KRTAP10-4: variants seen among roughly 807,000 people sequenced by gnomAD.
KRTAP10-4 encodes keratin-associated protein 10-4.
For synonymous variants in KRTAP10-4, 147 were observed against 213.7 expected, an observed-to-expected ratio of 0.69 and a Z score of 2.72; for missense variants, 374 against 507.6, an observed-to-expected ratio of 0.74 and a Z score of 2.53.
Position 44,575,171 on chromosome 21 carries a change from C to T in KRTAP10-4, c.*207C>T. 3 of 823,994 alleles carry T rather than the reference C, an allele frequency of 3.6e-6. No homozygotes were observed. The highest frequency in any genetic ancestry group is 5.7e-6 in the Non-Finnish European group (3 of 528,850). The allele number at this position is 823,994 out of a possible 1,614,324, so 51.0% of individuals were successfully genotyped here. A position where few individuals can be genotyped will look rare whatever the true frequency, so the allele number is the denominator to read the frequency against. ...AAGAACTGAAAGTCTATACTCAATGCTGCAGCCCTCTTGCGGGGGGAGGGG... is the reference window on the plus strand; with the variant it reads ...AAGAACTGAAAGTCTATACTCAATGTTGCAGCCCTCTTGCGGGGGGAGGGG... On this transcript the variant is annotated 3_prime_UTR_variant, in exon 1 of 1. Coordinates refer to ENST00000400374, the MANE Select transcript of KRTAP10-4 (RefSeq NM_198687.2).
In KRTAP10-4 at chr21:44,574,621, C is replaced by G; in HGVS notation, c.863C>G (p.Pro288Arg). Residue 288 changes from proline (P) to arginine (R), a missense_variant, in exon 1 of 1, where the codon CCC (proline) becomes CGC (arginine). Transcript: ENST00000400374. ...TGCTGCAAGCCTGTCTGCTCTGTGC[C>G]CATCTGCTCTGGGGCTTCCTCTCTG... ...PVCCKPVCSVPICSGASSLCC... is the reference protein window; with the variant it reads ...PVCCKPVCSVRICSGASSLCC... 1 of 1,293,720 alleles carries G rather than the reference C, an allele frequency of 7.7e-7. No individual in the cohort carries two copies. The highest frequency in any genetic ancestry group is 2.6e-5 in the Admixed American group (1 of 38,022). The allele number at this position is 1,293,720 out of a possible 1,614,324, so 80.1% of individuals were successfully genotyped here.
chr21:44,574,378 C>T lies in KRTAP10-4; in HGVS notation c.620C>T (p.Ser207Leu), dbSNP rs1555923341. The part of the protein sequence containing the change: ...QSGCISSCTP[S>L]CCQQSSCQPA... ...GGCTGCATCAGCTCCTGCACGCCCT[C>T]GTGCTGCCAGCAGTCTAGCTGCCAG... The change falls in exon 1 of 1, where the codon TCG becomes TTG. Residue 207 changes from serine (S) to leucine (L), a missense_variant. Physicochemically the swap from Ser to Leu is moderately radical, Grantham distance 145. Coordinates refer to ENST00000400374, the MANE Select transcript of KRTAP10-4 (RefSeq NM_198687.2). 1.7e-5 allele frequency: 27 copies of T among 1,612,610 alleles called. No homozygotes were observed. The East Asian group carries it at 2.5e-4, about 15-fold the overall frequency.
Position 44,574,218 on chromosome 21 carries a change from G to C in KRTAP10-4, c.460G>C (p.Ala154Pro). 1 of 1,604,246 alleles carries C rather than the reference G, an allele frequency of 6.2e-7. No individual in the cohort carries two copies. Among genetic ancestry groups the C allele is most frequent in the Non-Finnish European group, 8.5e-7 (1 of 1,174,678 alleles). Residue 154 changes from alanine (A) to proline (P), a missense_variant, in exon 1 of 1, where the codon GCC becomes CCC. By Grantham distance (27) the Ala-to-Pro change is conservative. Transcript: ENST00000400374. Reference protein sequence around the residue: ...ACCTSSPCQQACCVPICCKPV... With the variant: ...ACCTSSPCQQPCCVPICCKPV... ...CTGCACCTCCTCCCCCTGCCAGCAG[G>C]CCTGCTGTGTGCCCATCTGCTGCAA...
At position 44,574,339 on chromosome 21, in the gene KRTAP10-4, G is replaced by T. The variant is rs1489453952; in HGVS notation, c.581G>T (p.Ser194Ile). 6.2e-7 allele frequency: 1 copy of T among 1,608,084 alleles called. No homozygotes were observed. The highest frequency in any genetic ancestry group is 1.7e-5 in the Admixed American group (1 of 59,464). ...TGCTGCCAGGCGGTCTGTGAGCCCA[G>T]CCCCTGCCAATCAGGCTGCATCAGC... ...SPCCQAVCEPSPCQSGCISSC... is the reference protein window; with the variant it reads ...SPCCQAVCEPIPCQSGCISSC... The change falls in exon 1 of 1, where the codon AGC (serine) becomes ATC (isoleucine). Residue 194 changes from serine (S) to isoleucine (I), a missense_variant. Transcript: ENST00000400374.
In KRTAP10-4 at chr21:44,575,221, C is replaced by T; in HGVS notation, c.*257C>T. On this transcript the variant is annotated 3_prime_UTR_variant, in exon 1 of 1. Transcript: ENST00000400374. ...GGGCGCTTCTAGAAAGTTCCCATGGCAGTGGCCTCCCCTCCATATCTCCCA... is the reference window on the plus strand; with the variant it reads ...GGGCGCTTCTAGAAAGTTCCCATGGTAGTGGCCTCCCCTCCATATCTCCCA... 1.6e-6 allele frequency: 1 copy of T among 618,472 alleles called. No individual in the cohort carries two copies. Among genetic ancestry groups the T allele is most frequent in the South Asian group, 2.1e-5 (1 of 48,428 alleles). 38.3% of individuals were successfully genotyped at this position (618,472 alleles called of 1,614,324 possible). A position where few individuals can be genotyped will look rare whatever the true frequency, so the allele number is the denominator to read the frequency against.
In KRTAP10-4 at chr21:44,574,543, C is replaced by A; in HGVS notation, c.785C>A (p.Thr262Asn). The change falls in exon 1 of 1, where the codon ACC becomes AAC. Residue 262 changes from threonine (T) to asparagine (N), a missense_variant. Thr to Asn is a moderately conservative substitution (Grantham distance 65). Coordinates refer to ENST00000400374, the MANE Select transcript of KRTAP10-4 (RefSeq NM_198687.2). ...TCTAGCTGCCAGCCGGCTTGCTGCA[C>A]CTCCTCTCCCTGCCAGCAGGCTTGC... ...QQSSCQPACC[T>N]SSPCQQACCV... 1.2e-6 allele frequency: 2 copies of A among 1,609,356 alleles called. No individual in the cohort carries two copies. Among genetic ancestry groups the A allele is most frequent in the Non-Finnish European group, 1.7e-6 (2 of 1,179,306 alleles).
Position 44,573,833 on chromosome 21 carries a change from C to T in KRTAP10-4, c.75C>T (p.Asp25=). The part of the protein sequence containing the change: ...CLPGSCDSCS[D]SWQVDDCPES... ...CTGGTTCCTGTGACTCTTGCTCCGA[C>T]TCCTGGCAGGTGGACGACTGCCCAG... The change falls in exon 1 of 1, where the codon GAC becomes GAT. Residue 25 remains aspartate (D), a synonymous_variant. Transcript: ENST00000400374. 6.2e-7 allele frequency: 1 copy of T among 1,614,216 alleles called. No homozygotes were observed. The highest frequency in any genetic ancestry group is 8.5e-7 in the Non-Finnish European group (1 of 1,180,048).
rs201441480 is a variant in KRTAP10-4 at position 44,574,731 on chromosome 21, C to A, written c.973C>A (p.Pro325Thr). ...CTGCTGCGTGCCCGTCTGCTGCAAG[C>A]CTGTGAGCTGTGTGCCTGTTTGCTC... Reference protein sequence around the residue: ...QGCCVPVCCKPVSCVPVCSGA... With the variant: ...QGCCVPVCCKTVSCVPVCSGA... The change falls in exon 1 of 1, where the codon CCT becomes ACT. Residue 325 changes from proline to threonine, a missense_variant. Transcript: ENST00000400374. 18 of 1,608,354 alleles carry A rather than the reference C, an allele frequency of 1.1e-5. No homozygotes were observed. The East Asian group carries it at 2.3e-4, about 20-fold the overall frequency.
Position 44,574,325 on chromosome 21 carries a change from G to T in KRTAP10-4, c.567G>T (p.Ala189=). 1 of 1,608,788 alleles carries T rather than the reference G, an allele frequency of 6.2e-7. No homozygotes were observed. The highest frequency in any genetic ancestry group is 2.2e-5 in the East Asian group (1 of 44,502). ...GTGTGTCCAGCCCCTGCTGCCAGGC[G>T]GTCTGTGAGCCCAGCCCCTGCCAAT... ...VSCVSSPCCQ[A]VCEPSPCQSG... The change falls in exon 1 of 1, where the codon GCG becomes GCT. Residue 189 remains alanine (A), a synonymous_variant. Coordinates refer to ENST00000400374, the MANE Select transcript of KRTAP10-4 (RefSeq NM_198687.2).
In KRTAP10-4 at chr21:44,574,405, C is replaced by A. The variant is rs587631963; in HGVS notation, c.647C>A (p.Pro216Gln). 3.5e-5 allele frequency: 55 copies of A among 1,573,744 alleles called. No homozygotes were observed. The highest frequency in any genetic ancestry group is 4.6e-5 in the Non-Finnish European group (53 of 1,162,368). ...PSCCQQSSCQPACCTSSSCQQ... is the reference protein window; with the variant it reads ...PSCCQQSSCQQACCTSSSCQQ... The stretch of plus-strand genomic sequence containing the variant: ...TGCTGCCAGCAGTCTAGCTGCCAGC[C>A]GGCTTGCTGCACCTCCTCCTCCTGC... Residue 216 changes from proline (P) to glutamine (Q), a missense_variant, in exon 1 of 1, where the codon CCG becomes CAG. Transcript: ENST00000400374.
In KRTAP10-4 at chr21:44,575,228, C is replaced by T. The variant is rs968116269; in HGVS notation, c.*264C>T. ...TCTAGAAAGTTCCCATGGCAGTGGC[C>T]TCCCCTCCATATCTCCCACCTCTCA... On this transcript the variant is annotated 3_prime_UTR_variant, in exon 1 of 1. Coordinates refer to ENST00000400374, the MANE Select transcript of KRTAP10-4 (RefSeq NM_198687.2). The T allele has an allele frequency of 1.6e-6, 1 of 608,762 alleles. No individual in the cohort carries two copies. Among genetic ancestry groups the T allele is most frequent in the East Asian group, 2.9e-5 (1 of 34,696 alleles). The allele number at this position is 608,762 out of a possible 1,614,324, so 37.7% of individuals were successfully genotyped here. A position where few individuals can be genotyped will look rare whatever the true frequency, so the allele number is the denominator to read the frequency against.
rs1240876596 is a variant in KRTAP10-4 at position 44,575,192 on chromosome 21, A to AG, written c.*234dup. 12 of 729,128 alleles carry AG rather than the reference A, an allele frequency of 1.6e-5. No individual in the cohort carries two copies. The highest frequency in any genetic ancestry group is 5.5e-5 in the East Asian group (2 of 36,468). The allele number at this position is 729,128 out of a possible 1,614,324, so 45.2% of individuals were successfully genotyped here. ...AATGCTGCAGCCCTCTTGCGGGGGG[A>AG]GGGGGGCGCTTCTAGAAAGTTCCCA... On this transcript the variant is annotated 3_prime_UTR_variant, in exon 1 of 1. Coordinates refer to ENST00000400374, the MANE Select transcript of KRTAP10-4 (RefSeq NM_198687.2).
At position 44,574,544 on chromosome 21, in the gene KRTAP10-4, C is replaced by T; in HGVS notation, c.786C>T (p.Thr262=). The change falls in exon 1 of 1, where the codon ACC becomes ACT. Residue 262 remains threonine (T), a synonymous_variant. Transcript: ENST00000400374. ...CTAGCTGCCAGCCGGCTTGCTGCAC[C>T]TCCTCTCCCTGCCAGCAGGCTTGCT... The part of the protein sequence containing the change: ...QQSSCQPACC[T]SSPCQQACCV... 2 of 1,609,386 alleles carry T rather than the reference C, an allele frequency of 1.2e-6. No individual in the cohort carries two copies. The highest frequency in any genetic ancestry group is 1.7e-6 in the Non-Finnish European group (2 of 1,179,298).
At position 44,574,491 on chromosome 21, in the gene KRTAP10-4, G is replaced by A. The variant is rs1555923426; in HGVS notation, c.733G>A (p.Glu245Lys). ...KTVCCKPVCSEDSSSCCQQSS... is the reference protein window; with the variant it reads ...KTVCCKPVCSKDSSSCCQQSS... The stretch of plus-strand genomic sequence containing the variant: ...TGTCTGCTGCAAGCCTGTGTGCTCT[G>A]AGGATTCCTCTTCATGCTGCCAGCA... Residue 245 changes from glutamate (E) to lysine (K), a missense_variant, in exon 1 of 1, where the codon GAG becomes AAG. Coordinates refer to ENST00000400374, the MANE Select transcript of KRTAP10-4 (RefSeq NM_198687.2). 3 of 1,606,922 alleles carry A rather than the reference G, an allele frequency of 1.9e-6. No homozygotes were observed. Among genetic ancestry groups the A allele is most frequent in the Non-Finnish European group, 2.5e-6 (3 of 1,178,458 alleles).
Position 44,575,074 on chromosome 21 carries a change from C to T in KRTAP10-4, c.*110C>T, listed in dbSNP as rs1978342990. ...GCCAGGCTCAGGTCCCACCTGAAAGCTGATAGTCGCGTCCTGAATTGCTCC... is the reference window on the plus strand; with the variant it reads ...GCCAGGCTCAGGTCCCACCTGAAAGTTGATAGTCGCGTCCTGAATTGCTCC... On this transcript the variant is annotated 3_prime_UTR_variant, in exon 1 of 1. Transcript: ENST00000400374. The T allele has an allele frequency of 6.7e-7, 1 of 1,484,130 alleles. No homozygotes were observed. The allele number at this position is 1,484,130 out of a possible 1,614,324, so 91.9% of individuals were successfully genotyped here.
In KRTAP10-4 at chr21:44,574,113, T is replaced by G; in HGVS notation, c.355T>G (p.Cys119Gly). The G allele has an allele frequency of 6.3e-7, 1 of 1,593,080 alleles. No individual in the cohort carries two copies. The highest frequency in any genetic ancestry group is 1.1e-5 in the South Asian group (1 of 90,080). The change falls in exon 1 of 1, where the codon TGC (cysteine) becomes GGC (glycine). Residue 119 changes from cysteine (C) to glycine (G), a missense_variant. Transcript: ENST00000400374. ...CGTGCCCGTCTGCTGCAAGACTGTC[T>G]GCTGCAAGCCTGTGTGCTGTGTGCC... ...CCVPVCCKTV[C>G]CKPVCCVPVC... is the part of the protein sequence containing the mutation.
rs374080725 is a variant in KRTAP10-4 at position 44,573,804 on chromosome 21, C to T, written c.46C>T (p.Leu16Phe). The T allele has an allele frequency of 1.1e-4, 180 of 1,614,088 alleles. No homozygotes were observed. Among genetic ancestry groups the T allele is most frequent in the Non-Finnish European group, 1.5e-4 (176 of 1,180,038 alleles). The change falls in exon 1 of 1, where the codon CTT becomes TTT. Residue 16 changes from leucine to phenylalanine, a missense_variant. Physicochemically the swap from Leu to Phe is conservative, Grantham distance 22 (BLOSUM62 0). Coordinates refer to ENST00000400374, the MANE Select transcript of KRTAP10-4 (RefSeq NM_198687.2). ...CCTGAGCTACAGCAGCCGCGTCTGC[C>T]TTCCTGGTTCCTGTGACTCTTGCTC... ...SDLSYSSRVC[L>F]PGSCDSCSDS...
Position 44,574,747 on chromosome 21 carries a change from C to T in KRTAP10-4, c.989C>T (p.Pro330Leu). Residue 330 changes from proline to leucine, a missense_variant, in exon 1 of 1, where the codon CCT becomes CTT. By Grantham distance (98) the Pro-to-Leu change is moderately conservative (BLOSUM62 -3). Transcript: ENST00000400374. ...TGCTGCAAGCCTGTGAGCTGTGTGCCTGTTTGCTCTGGGGCTTCCTCTTCA... is the reference window on the plus strand; with the variant it reads ...TGCTGCAAGCCTGTGAGCTGTGTGCTTGTTTGCTCTGGGGCTTCCTCTTCA... Reference protein sequence around the residue: ...PVCCKPVSCVPVCSGASSSCC... With the variant: ...PVCCKPVSCVLVCSGASSSCC... 2 of 1,613,910 alleles carry T rather than the reference C, an allele frequency of 1.2e-6. No individual in the cohort carries two copies. The highest frequency in any genetic ancestry group is 1.7e-6 in the Non-Finnish European group (2 of 1,179,998).
chr21:44,573,794 C>T lies in KRTAP10-4; in HGVS notation c.36C>T (p.Ser12=). The T allele has an allele frequency of 1.2e-6, 2 of 1,614,140 alleles. No homozygotes were observed. The highest frequency in any genetic ancestry group is 1.7e-6 in the Non-Finnish European group (2 of 1,179,996). The change falls in exon 1 of 1, where the codon AGC becomes AGT. Residue 12 remains serine (S), a synonymous_variant. Transcript: ENST00000400374. ...SVCSSDLSYS[S]RVCLPGSCDS... ...GCTCCAGCGACCTGAGCTACAGCAG[C>T]CGCGTCTGCCTTCCTGGTTCCTGTG...
Sources: gnomAD v4.1 joint callset for allele counts on GRCh38, gnomAD v4.1.1 for gene constraint, MANE v1.5 for transcripts, NCBI Gene and HGNC (gene_info 2026-07-23, HGNC 2026-07-21) for gene names.